The following MRTFB variants were observed in gnomAD, a reference collection of about 807,000 sequenced individuals.
MRTFB encodes myocardin related transcription factor B.
MRTFB carries 29 observed loss-of-function variants against 104.2 expected under a neutral mutation model. That is an observed-to-expected ratio of 0.28 (90% CI 0.21 to 0.38). The LOEUF (loss-of-function observed/expected upper bound fraction) is 0.38, where lower values mean the gene tolerates loss of function less well. Ranked by LOEUF, MRTFB falls within the 10% of genes least tolerant of loss-of-function variation. The pLI is 1.00. For missense variants in MRTFB, 1,270 were observed against 1,341.6 expected (o/e 0.95, Z 0.83); for synonymous variants, 535 against 519.5 (o/e 1.03, Z -0.41).
chr16:14,009,343 G>T, the MRTFB span: 4 of 152,114 alleles, frequency 2.6e-5, no homozygotes, highest in Non-Finnish European at 4.4e-5. Flanking sequence ...AACTACAGCT[G>T]GTTTTTGCAT....
the MRTFB span, among the ~76,000 whole-genome samples, chr16:14,060,961 A>G: frequency 1.2e-3 from 184 of 152,198 alleles, no homozygotes; most frequent in African/African-American, 3.9e-3. Flanking sequence ...CCTGGCTAAC[A>G]CAGTGAAACC....
At chr16:14,138,875 C>CA (rs1383585761) in intron 2 of MRTFB, among the ~76,000 whole-genome samples, 6 of 151,552 alleles carry the variant, frequency 4.0e-5, no homozygotes, top group South Asian at 4.2e-4. Context: ...ACACATATGC[C>CA]AAAAAAACCT....
intron 8 of MRTFB, among the ~76,000 whole-genome samples, chr16:14,224,607 A>T (rs528781320): frequency 2.9e-5 from 4 of 136,616 alleles, no homozygotes; most frequent in Non-Finnish European, 4.9e-5. Flanking sequence ...CTGGTCACCT[A>T]CAAGGAATCC....
chr16:14,005,890 T>C, the MRTFB span, among the ~76,000 whole-genome samples: 2 of 152,300 alleles, frequency 1.3e-5, no homozygotes, highest in East Asian at 3.9e-4. Context: ...TGGGATAATA[T>C]CATGTTCCAC....
chr16:14,086,658 A>G (rs572272097), intron 2 of MRTFB, among the ~76,000 whole-genome samples: 3 of 152,288 alleles, frequency 2.0e-5, no homozygotes, highest in African/African-American at 4.8e-5. Context: ...TTATGTGGCA[A>G]TGCAGGAATT....
chr16:14,045,554 C>A, the MRTFB span, among the ~76,000 whole-genome samples: 2 of 152,280 alleles, frequency 1.3e-5, no homozygotes, highest in South Asian at 4.1e-4. Context: ...GGGTTAAATT[C>A]AAGAATGTTT....
intron 2 of MRTFB, among the ~76,000 whole-genome samples, chr16:14,113,803 C>T (rs2036397360): frequency 6.6e-6 from 1 of 152,084 alleles, no homozygotes. Context: ...AAGAAAGTAG[C>T]AGTTATGAGG....
At chr16:14,091,498 A>AG (rs2035061207) in intron 2 of MRTFB, among the ~76,000 whole-genome samples, 2 of 152,122 alleles carry the variant, frequency 1.3e-5, no homozygotes, top group African/African-American at 4.8e-5. Context: ...TTAAAATCCC[A>AG]GGGGCACTCT....
the MRTFB span, among the ~76,000 whole-genome samples, chr16:13,996,388 T>C: frequency 6.6e-6 from 1 of 152,134 alleles, no homozygotes; most frequent in African/African-American, 2.4e-5. Flanking sequence ...CTCTACTCTA[T>C]GCCAGATACT....
intron 3 of MRTFB, among the ~76,000 whole-genome samples, chr16:14,178,848 C>T (rs1251580887): frequency 6.6e-6 from 1 of 152,058 alleles, no homozygotes; most frequent in Non-Finnish European, 1.5e-5. Context: ...CTCCTGGGCT[C>T]AAGCTATCCT....
intron 16 of MRTFB, among the ~76,000 whole-genome samples, chr16:14,258,835 T>TA (rs750656967): frequency 3.3e-5 from 5 of 152,216 alleles, no homozygotes; most frequent in Non-Finnish European, 5.9e-5. Context: ...TCATCTTTAT[T>TA]AAAAAGAGAC....
chr16:14,150,197 C>A (rs961973507), intron 3 of MRTFB, among the ~76,000 whole-genome samples: 2 of 152,220 alleles, frequency 1.3e-5, no homozygotes, highest in African/African-American at 4.8e-5. Context: ...GTGTCCTTAT[C>A]TGCAAAGTGG....
the MRTFB span, among the ~76,000 whole-genome samples, chr16:14,004,569 C>G: frequency 6.6e-6 from 1 of 152,096 alleles, no homozygotes; most frequent in Non-Finnish European, 1.5e-5. Context: ...CCCACGGGGC[C>G]CCATGGGGCT....
the MRTFB span, chr16:14,009,571 A>T: frequency 6.6e-6 from 1 of 152,200 alleles, no homozygotes; most frequent in Non-Finnish European, 1.5e-5. Context: ...GCAGTAGTAG[A>T]CATCCTTTTC....
chr16:14,253,621 A>T (rs1054137915), intron 15 of MRTFB, among the ~76,000 whole-genome samples: 6 of 152,188 alleles, frequency 3.9e-5, no homozygotes, highest in African/African-American at 1.4e-4. Context: ...CTCAGTGAGC[A>T]TCTACAGAAG....
At chr16:14,158,581 A>G (rs1045708097) in intron 3 of MRTFB, among the ~76,000 whole-genome samples, 1 of 152,224 alleles carries the variant, frequency 6.6e-6, no homozygotes, top group Non-Finnish European at 1.5e-5. Context: ...CTTTCACATG[A>G]AAGGTAGTTA....
intron 3 of MRTFB, 183 bp downstream of exon 3, chr16:14,140,943 C>A: frequency 1.7e-6 from 1 of 578,548 alleles, no homozygotes; most frequent in South Asian, 2.5e-5. Flanking sequence ...TCAGTTCTTT[C>A]ATTATTTTCC....
chr16:14,083,727 C>T (rs1195620322), intron 2 of MRTFB, among the ~76,000 whole-genome samples: 1 of 152,074 alleles, frequency 6.6e-6, no homozygotes, highest in African/African-American at 2.4e-5. Flanking sequence ...AACCAGGTAC[C>T]GTAATCTGTC....
At chr16:14,259,404 A>C (rs1020997390) in intron 16 of MRTFB, among the ~76,000 whole-genome samples, 1 of 152,224 alleles carries the variant, frequency 6.6e-6, no homozygotes, top group Non-Finnish European at 1.5e-5. Flanking sequence ...TCCAGTAAGT[A>C]TATTATTTCA....
Sources: gnomAD v4.1 joint callset for allele counts (sites outside exome capture counted in the v4.1 genomes callset) on GRCh38, gnomAD v4.1.1 for gene constraint, MANE v1.5 for transcripts, NCBI Gene and HGNC (gene_info 2026-07-23, HGNC 2026-07-21) for gene names.